PSMC2: variants seen among roughly 807,000 people sequenced by gnomAD.
PSMC2 encodes the protein proteasome 26S subunit, ATPase 2.
Under a neutral mutation model 53.3 loss-of-function variants are expected in PSMC2, and 7 were observed. The ratio of observed to expected loss-of-function variants is 0.13; its 90% CI spans 0.07 to 0.25. PSMC2 has a LOEUF of 0.25. Ranked by LOEUF, PSMC2 falls within the 10% of genes least tolerant of loss-of-function variation. PSMC2 has a pLI of 1.00. For synonymous variants in PSMC2, 169 were observed against 183.9 expected, an observed-to-expected ratio of 0.92 and a Z score of 0.66; for missense variants, 241 against 544.0, an observed-to-expected ratio of 0.44 and a Z score of 5.54.
In PSMC2 at chr7:103,364,958, CATATATATAT is replaced by C. The variant is rs59914167; in HGVS notation, c.756+668_756+677del. Among the ~76,000 whole-genome samples, 20 of 125,492 alleles carry C rather than the reference CATATATATAT, an allele frequency of 1.6e-4. No individual in the cohort carries two copies. In the East Asian group the frequency reaches 3.3e-3, roughly 20 times the overall value. 82.3% of individuals were successfully genotyped at this position (125,492 alleles called of 152,430 possible). On this transcript the variant is annotated intron_variant, in intron 8 of 11. Transcript: ENST00000292644. Reference sequence around the variant, plus strand: ...GGTTGTTTTTATGTTTGTAGACATACATATATATATATATATATATATATATTTAGAGAAT... The same window carrying C: ...GGTTGTTTTTATGTTTGTAGACATACATATATATATATATATTTAGAGAAT...
intron 7 of PSMC2, among the ~76,000 whole-genome samples, chr7:103,363,813 A>G (rs1467014118): frequency 6.6e-6 from 1 of 152,210 alleles, no homozygotes; most frequent in Admixed American, 6.5e-5. Flanking sequence ...GAAAACTAGG[A>G]TACTGAATAC....
At chr7:103,363,970 A>G (rs1820555831) in intron 7 of PSMC2, among the ~76,000 whole-genome samples, 173 bp from the exon 8 acceptor site, 1 of 152,206 alleles carries the variant, frequency 6.6e-6, no homozygotes, top group Non-Finnish European at 1.5e-5. Flanking sequence ...GAATAAGTAA[A>G]ATTTCTTATT....
chr7:103,353,303 A>G (rs911940316), intron 1 of PSMC2, among the ~76,000 whole-genome samples: 12 of 151,614 alleles, frequency 7.9e-5, no homozygotes, highest in Admixed American at 2.0e-4. Flanking sequence ...GCTGCATTGT[A>G]TTTCCTTTTC....
chr7:103,348,899 G>C (rs117015485), intron 1 of PSMC2: 12 of 467,648 alleles, frequency 2.6e-5, no homozygotes, highest in South Asian at 2.5e-4. Context: ...AAGTGCACAA[G>C]TACAAATTGT....
rs747786975 is a variant in PSMC2, at chr7:103,367,877, A to C, written c.1145-20A>C. On this transcript the variant is annotated intron_variant, in intron 11 of 11. Transcript: ENST00000292644. This position sits in a 1 kb window ranked among gnomAD's most constrained non-coding sequence, Gnocchi z 6.1. The stretch of plus-strand genomic sequence containing the variant: ...CAGGCTGCTTTAATTAAGCCCGTTT[A>C]TTTTCTTTTTGTTTGAAAGGTGCTG... The C allele has an allele frequency of 1.9e-6, 3 of 1,611,296 alleles. No individual in the cohort carries two copies. The highest frequency in any genetic ancestry group is 2.5e-6 in the Non-Finnish European group (3 of 1,178,980).
rs140413146 is a variant in PSMC2 at position 103,347,904 on chromosome 7, A to G, written c.70+123A>G. Reference sequence around the variant, plus strand: ...CTCTGGCCCTTTTGTGCCCCTAGTAATTTAGTCTGGACACCGGCCGGATTA... The same window carrying G: ...CTCTGGCCCTTTTGTGCCCCTAGTAGTTTAGTCTGGACACCGGCCGGATTA... On this transcript the variant is annotated intron_variant, in intron 1 of 11. Coordinates refer to ENST00000292644, the MANE Select transcript of PSMC2 (RefSeq NM_002803.4). The G allele has an allele frequency of 8.7e-4, 916 of 1,054,774 alleles. 5 individuals are homozygous for G. The African/African-American group carries it at 0.014, about 16-fold the overall frequency. The allele number at this position is 1,054,774 out of a possible 1,614,324, so 65.3% of individuals were successfully genotyped here.
chr7:103,347,905 TTTAG>T, intron 1 of PSMC2, 124 bp downstream of exon 1: 1 of 1,036,002 alleles, frequency 9.7e-7, no homozygotes, highest in Non-Finnish European at 1.5e-6. Flanking sequence ...CCCCTAGTAA[TTTAG>T]TCTGGACACC....
chr7:103,347,592 A>G (rs981176629), upstream of PSMC2: 3 of 1,166,380 alleles, frequency 2.6e-6, no homozygotes, highest in South Asian at 3.7e-5. Context: ...GAAGCACTGC[A>G]TAAAGGGGTC....
At chr7:103,347,581 T>C (rs1819629629), upstream of PSMC2, 2 of 1,023,298 alleles carry the variant, frequency 2.0e-6, no homozygotes, top group Non-Finnish European at 1.5e-6. Flanking sequence ...GTCCGGACTC[T>C]GAAGCACTGC....
At chr7:103,362,465 C>T in intron 5 of PSMC2, 1 of 1,381,936 alleles carries the variant, frequency 7.2e-7, no homozygotes, top group Non-Finnish European at 9.3e-7. Context: ...TCTCCCCTCC[C>T]TCCTCAAAGG....
In PSMC2 at chr7:103,353,949, G is replaced by A. The variant is rs752046432; in HGVS notation, c.99G>A (p.Leu33=). The A allele has an allele frequency of 9.2e-5, 147 of 1,599,472 alleles. No homozygotes were observed. The highest frequency in any genetic ancestry group is 1.2e-4 in the Non-Finnish European group (144 of 1,170,342). The stretch of plus-strand genomic sequence containing the variant: ...TGGATGAGGGGGATATTGCCTTGTT[G>A]AAAACTTATGTAAGTCCTTTCAGTG... ...RALDEGDIAL[L]KTYGQSTYSR... Residue 33 remains leucine (L), a synonymous_variant, in exon 2 of 12, where the codon TTG becomes TTA. Coordinates refer to ENST00000292644, the MANE Select transcript of PSMC2 (RefSeq NM_002803.4).
chr7:103,357,842 T>G (rs1820129560), intron 4 of PSMC2, among the ~76,000 whole-genome samples: 1 of 152,232 alleles, frequency 6.6e-6, no homozygotes, highest in Admixed American at 6.5e-5. Flanking sequence ...TTGTCTAAAC[T>G]GCTCTTCAGA....
intron 1 of PSMC2, among the ~76,000 whole-genome samples, chr7:103,353,464 G>A (rs1248584549): frequency 6.6e-6 from 1 of 152,090 alleles, no homozygotes; most frequent in Non-Finnish European, 1.5e-5. Flanking sequence ...GCGCCACCAT[G>A]CCAGGCCAAT....
intron 4 of PSMC2, among the ~76,000 whole-genome samples, chr7:103,357,326 CAAA>C (rs762310758): frequency 1.2e-4 from 9 of 77,796 alleles, no homozygotes; most frequent in South Asian, 8.0e-4. Flanking sequence ...TACTCTGTCT[CAAA>C]AAAAAAAAAA....
intron 8 of PSMC2, among the ~76,000 whole-genome samples, chr7:103,365,530 G>A (rs1416086920): frequency 1.3e-5 from 2 of 152,198 alleles, no homozygotes; most frequent in Non-Finnish European, 2.9e-5. Flanking sequence ...TCGGGAGGCC[G>A]AGGCATGAGA....
Position 103,369,128 on chromosome 7 carries a change from T to G in PSMC2, c.*1074T>G, listed in dbSNP as rs1403771986. On this transcript the variant is annotated 3_prime_UTR_variant, in exon 12 of 12. Coordinates refer to ENST00000292644, the MANE Select transcript of PSMC2 (RefSeq NM_002803.4). ...AAGTTGACAACATAGAAAATGCTGC[T>G]TTGCACTGAAATACTTAAAATTATG... is the stretch of plus-strand genomic sequence containing the variant. 1 of 152,224 alleles carries G rather than the reference T, an allele frequency of 6.6e-6. No homozygotes were observed. The highest frequency in any genetic ancestry group is 3.2e-3 in the Middle Eastern group (1 of 316). 9.4% of individuals were successfully genotyped at this position (152,224 alleles called of 1,614,324 possible).
intron 1 of PSMC2, 109 bp downstream of exon 1, chr7:103,347,890 T>C: frequency 8.2e-7 from 1 of 1,219,226 alleles, no homozygotes; most frequent in African/African-American, 1.5e-5. Flanking sequence ...TCTGGCCCTT[T>C]TGTGCCCCTA....
At position 103,362,833 on chromosome 7, in the gene PSMC2, G is replaced by T. The variant is rs908287065; in HGVS notation, c.495+75G>T. On this transcript the variant is annotated intron_variant, in intron 6 of 11. Coordinates refer to ENST00000292644, the MANE Select transcript of PSMC2 (RefSeq NM_002803.4). Reference sequence around the variant, plus strand: ...TTTTTTGAGGCGGAGTTTCACTCTTGTCCAGGCTGGAGTAGAATGGTGTGA... The same window carrying T: ...TTTTTTGAGGCGGAGTTTCACTCTTTTCCAGGCTGGAGTAGAATGGTGTGA... 136 of 1,108,392 alleles carry T rather than the reference G, an allele frequency of 1.2e-4. No homozygotes were observed. In the African/African-American group the frequency reaches 2.0e-3, roughly 16 times the overall value. The allele number at this position is 1,108,392 out of a possible 1,614,324, so 68.7% of individuals were successfully genotyped here. A position where few individuals can be genotyped will look rare whatever the true frequency, so the allele number is the denominator to read the frequency against.
chr7:103,352,555 G>A (rs1586135390), intron 1 of PSMC2, among the ~76,000 whole-genome samples: 1 of 151,832 alleles, frequency 6.6e-6, no homozygotes. Context: ...GACTACAAGT[G>A]CATACCACCA....
Sources: allele counts gnomAD v4.1 joint callset (sites outside exome capture counted in the v4.1 genomes callset), GRCh38; gene constraint gnomAD v4.1.1; non-coding constraint Gnocchi (gnomAD v3.1); transcripts MANE v1.5; gene names NCBI Gene and HGNC (gene_info 2026-07-23, HGNC 2026-07-21).